CARMIL2: variants seen among roughly 807,000 people sequenced by gnomAD.
The protein encoded by CARMIL2 is capping protein, Arp2/3 and myosin-I linker protein 2.
Under a neutral mutation model 173.3 loss-of-function variants are expected in CARMIL2, and 96 were observed. The ratio of observed to expected loss-of-function variants is 0.55; its 90% CI spans 0.47 to 0.66. The LOEUF (loss-of-function observed/expected upper bound fraction) is 0.66. Ranked by LOEUF, CARMIL2 falls within the 30% of genes least tolerant of loss-of-function variation. The probability of loss-of-function intolerance (pLI) is 0.00; values close to 1 mark genes in which losing one functional copy is unlikely to be tolerated. For missense variants in CARMIL2, 1,771 were observed against 1,906.7 expected (o/e 0.93, Z 1.33); for synonymous variants, 830 against 817.1 (o/e 1.02, Z -0.27).
At position 67,651,936 on chromosome 16, in the gene CARMIL2, A is replaced by C; in HGVS notation, c.2604A>C (p.Ser868=). ...AFTRLRDMRL[S]ITGTLAESIV... ...CTGCCCTTAGGGACATGCGGCTATC[A>C]ATCACGGGGACCTTGGCAGAGAGCA... The change falls in exon 26 of 38, where the codon TCA becomes TCC. Residue 868 remains serine, a synonymous_variant. Transcript: ENST00000334583. This position sits in a 1 kb window ranked among gnomAD's most constrained non-coding sequence, Gnocchi z 4.2. 1 of 1,613,542 alleles carries C rather than the reference A, an allele frequency of 6.2e-7. No individual in the cohort carries two copies.
In CARMIL2 at chr16:67,649,625, C is replaced by T. The variant is rs189709013; in HGVS notation, c.1919+6C>T. 80 of 1,299,022 alleles carry T rather than the reference C, an allele frequency of 6.2e-5. No individual in the cohort carries two copies. In the African/African-American group the frequency reaches 9.1e-4, roughly 15 times the overall value. 80.5% of individuals were successfully genotyped at this position (1,299,022 alleles called of 1,614,324 possible). On this transcript the variant is annotated splice_donor_region_variant and intron_variant, in intron 20 of 37. Coordinates refer to ENST00000334583, the MANE Select transcript of CARMIL2 (RefSeq NM_001013838.3). The surrounding 1 kb of genome is among the most constrained non-coding windows in gnomAD (Gnocchi z 6.7). The stretch of plus-strand genomic sequence containing the variant: ...CGGGTCAACTCGAGGCTCCGGTGGG[C>T]GGGGTCAGAGGGGTGGGACCAGCGG...
rs762530942 is a variant in CARMIL2 at position 67,654,831 on chromosome 16, G to C, written c.3636G>C (p.Arg1212=). The C allele has an allele frequency of 6.2e-7, 1 of 1,613,712 alleles. No homozygotes were observed. Among genetic ancestry groups the C allele is most frequent in the South Asian group, 1.1e-5 (1 of 91,086 alleles). Residue 1212 remains arginine, a synonymous_variant, in exon 32 of 38, where the codon CGG becomes CGC. Transcript: ENST00000334583. Reference sequence around the variant, plus strand: ...AACTGGCTCCATCCTTTGAACAGCGGGTACAAGTAATGCTGCAGAGGATAG... The same window carrying C: ...AACTGGCTCCATCCTTTGAACAGCGCGTACAAGTAATGCTGCAGAGGATAG... ...ETELAPSFEQ[R]VQVMLQRIGV...
At position 67,651,767 on chromosome 16, in the gene CARMIL2, A is replaced by G; in HGVS notation, c.2510A>G (p.Glu837Gly). ...LQGSSWREQL[E>G]GVLAGSRGLP... ...GGATCCAGCTGGAGGGAGCAGCTAG[A>G]GGGGGTCCTGGCAGGCTCGAGGGGC... Residue 837 changes from glutamate (E) to glycine (G), a missense_variant, in exon 25 of 38, where the codon GAG becomes GGG. Physicochemically the swap from Glu to Gly is moderately conservative, Grantham distance 98. Around this residue, in one of 3 missense-constraint regions of CARMIL2, gnomAD observed 817 missense variants for 903.5 expected, o/e 0.90. Coordinates refer to ENST00000334583, the MANE Select transcript of CARMIL2 (RefSeq NM_001013838.3). This position sits in a 1 kb window ranked among gnomAD's most constrained non-coding sequence, Gnocchi z 4.2. The G allele has an allele frequency of 6.2e-7, 1 of 1,607,012 alleles. No homozygotes were observed. The highest frequency in any genetic ancestry group is 8.5e-7 in the Non-Finnish European group (1 of 1,177,334).
At position 67,648,015 on chromosome 16, in the gene CARMIL2, G is replaced by T. The variant is rs1305170921; in HGVS notation, c.1072-37G>T. 1 of 1,607,982 alleles carries T rather than the reference G, an allele frequency of 6.2e-7. No individual in the cohort carries two copies. Among genetic ancestry groups the T allele is most frequent in the Non-Finnish European group, 8.5e-7 (1 of 1,177,340 alleles). On this transcript the variant is annotated intron_variant, in intron 13 of 37. Transcript: ENST00000334583. The surrounding 1 kb of genome is among the most constrained non-coding windows in gnomAD (Gnocchi z 6.1). ...GGTTGCTCATAAGCCCTGGGTAGGC[G>T]ATCCCCCACTCCATCGCACCCCTGT...
Position 67,649,158 on chromosome 16 carries a change from C to T in CARMIL2, c.1674C>T (p.Phe558=). ...GACATGTGGCGCTTGGAAGGAACTTCAACGTCCGGTGCAAGTGAGCCCCCA... is the reference window on the plus strand; with the variant it reads ...GACATGTGGCGCTTGGAAGGAACTTTAACGTCCGGTGCAAGTGAGCCCCCA... ...SLRHVALGRN[F]NVRCKETLDD... The change falls in exon 18 of 38, where the codon TTC becomes TTT. Residue 558 remains phenylalanine (F), a synonymous_variant. Coordinates refer to ENST00000334583, the MANE Select transcript of CARMIL2 (RefSeq NM_001013838.3). This position sits in a 1 kb window ranked among gnomAD's most constrained non-coding sequence, Gnocchi z 6.7. The T allele has an allele frequency of 6.2e-7, 1 of 1,613,548 alleles. No individual in the cohort carries two copies.
In CARMIL2 at chr16:67,654,947, C is replaced by T. The variant is rs761264968; in HGVS notation, c.3705+47C>T. The T allele has an allele frequency of 5.0e-6, 8 of 1,606,810 alleles. No individual in the cohort carries two copies. The East Asian group carries it at 1.6e-4, about 31-fold the overall frequency. On this transcript the variant is annotated intron_variant, in intron 32 of 37. Coordinates refer to ENST00000334583, the MANE Select transcript of CARMIL2 (RefSeq NM_001013838.3). ...ATGAAGTGAGAGGGCAGATGGCATG[C>T]TGTGGGTGACATAAGTGACCAAGAT...
At position 67,657,491 on chromosome 16, in the gene CARMIL2, C is replaced by G. The variant is rs1344570331; in HGVS notation, c.4281C>G (p.Asp1427Glu). ...PERSPPSPAT[D>E]QRGGGPNP The stretch of plus-strand genomic sequence containing the variant: ...GGAGCCCACCCTCCCCAGCCACAGA[C>G]CAAAGAGGCGGCGGCCCCAATCCCT... The change falls in exon 38 of 38, where the codon GAC becomes GAG. Residue 1427 changes from aspartate to glutamate, a missense_variant. Transcript: ENST00000334583. This position sits in a 1 kb window ranked among gnomAD's most constrained non-coding sequence, Gnocchi z 4.5. The G allele has an allele frequency of 6.2e-7, 1 of 1,612,932 alleles. No homozygotes were observed. Among genetic ancestry groups the G allele is most frequent in the Admixed American group, 1.7e-5 (1 of 59,820 alleles).
intron 34 of CARMIL2, 50 bp downstream of exon 34, chr16:67,656,349 G>T: frequency 6.2e-7 from 1 of 1,611,452 alleles, no homozygotes; most frequent in South Asian, 1.1e-5. Flanking sequence ...GGACAGGCAG[G>T]AGTTGGGTCA....
chr16:67,645,156 TGCG>T lies in CARMIL2; in HGVS notation c.-89_-87del. 4 of 975,812 alleles carry T rather than the reference TGCG, an allele frequency of 4.1e-6. No homozygotes were observed. The highest frequency in any genetic ancestry group is 2.7e-5 in the Admixed American group (1 of 36,720). 60.4% of individuals were successfully genotyped at this position (975,812 alleles called of 1,614,324 possible). A position where few individuals can be genotyped will look rare whatever the true frequency, so the allele number is the denominator to read the frequency against. Reference sequence around the variant, plus strand: ...CCGCCGGAGGAGCAGGTGGCTGCCGTGCGGGTCTGGGCCCCAGGCTTCCTGTGT... The same window carrying T: ...CCGCCGGAGGAGCAGGTGGCTGCCGTGGTCTGGGCCCCAGGCTTCCTGTGT... On this transcript the variant is annotated 5_prime_UTR_variant, in exon 1 of 38. Coordinates refer to ENST00000334583, the MANE Select transcript of CARMIL2 (RefSeq NM_001013838.3).
Position 67,652,597 on chromosome 16 carries a change from T to G in CARMIL2, c.2884+59T>G. On this transcript the variant is annotated intron_variant, in intron 28 of 37. Coordinates refer to ENST00000334583, the MANE Select transcript of CARMIL2 (RefSeq NM_001013838.3). This position sits in a 1 kb window ranked among gnomAD's most constrained non-coding sequence, Gnocchi z 4.7. Reference sequence around the variant, plus strand: ...GGGTGGGCTGAAGCTCCATTAGACTTGGGGACCCGGGGACCTGGATGAACT... The same window carrying G: ...GGGTGGGCTGAAGCTCCATTAGACTGGGGGACCCGGGGACCTGGATGAACT... 6.5e-7 allele frequency: 1 copy of G among 1,533,710 alleles called. No homozygotes were observed. Among genetic ancestry groups the G allele is most frequent in the Middle Eastern group, 1.7e-4 (1 of 5,882 alleles).
rs759070808 is a variant in CARMIL2 at position 67,645,237 on chromosome 16, C to T, written c.-10C>T. On this transcript the variant is annotated 5_prime_UTR_variant, in exon 1 of 38. Coordinates refer to ENST00000334583, the MANE Select transcript of CARMIL2 (RefSeq NM_001013838.3). ...CGGAGCTCGTTGGGCCTCCCCGGCC[C>T]GCCCGGCCCATGGCCCAGACCCCCG... 3.2e-6 allele frequency: 5 copies of T among 1,586,540 alleles called. No homozygotes were observed. Among genetic ancestry groups the T allele is most frequent in the African/African-American group, 2.7e-5 (2 of 74,426 alleles).
rs1460268435 is a variant in CARMIL2, at chr16:67,648,446, G to A, written c.1383G>A (p.Ala461=). 1 of 1,468,988 alleles carries A rather than the reference G, an allele frequency of 6.8e-7. No homozygotes were observed. Among genetic ancestry groups the A allele is most frequent in the Non-Finnish European group, 8.9e-7 (1 of 1,119,564 alleles). 91.0% of individuals were successfully genotyped at this position (1,468,988 alleles called of 1,614,324 possible). ...PAALQLFLSR[A]RTLRHLGLAG... Reference sequence around the variant, plus strand: ...CGCTGCAGCTCTTCCTCAGCCGCGCGCGGACGCTGCGGCACCTGGGCCTGG... The same window carrying A: ...CGCTGCAGCTCTTCCTCAGCCGCGCACGGACGCTGCGGCACCTGGGCCTGG... Residue 461 remains alanine (A), a synonymous_variant, in exon 15 of 38, where the codon GCG becomes GCA. Transcript: ENST00000334583. The surrounding 1 kb of genome is among the most constrained non-coding windows in gnomAD (Gnocchi z 6.1).
rs1282471968 is a variant in CARMIL2 at position 67,645,297 on chromosome 16, G to A, written c.40+11G>A. 2 of 1,601,962 alleles carry A rather than the reference G, an allele frequency of 1.2e-6. No individual in the cohort carries two copies. The highest frequency in any genetic ancestry group is 1.7e-6 in the Non-Finnish European group (2 of 1,174,904). ...CCTGTGAGCTCCGAGGTAAGCGCTG[G>A]CCCTTCCTGCCTTCTTGGCCGGGAG... On this transcript the variant is annotated intron_variant, in intron 1 of 37. Coordinates refer to ENST00000334583, the MANE Select transcript of CARMIL2 (RefSeq NM_001013838.3).
At position 67,649,791 on chromosome 16, in the gene CARMIL2, C is replaced by T. The variant is rs569952987; in HGVS notation, c.1920-15C>T. On this transcript the variant is annotated splice_polypyrimidine_tract_variant and intron_variant, in intron 20 of 37. Coordinates refer to ENST00000334583, the MANE Select transcript of CARMIL2 (RefSeq NM_001013838.3). The surrounding 1 kb of genome is among the most constrained non-coding windows in gnomAD (Gnocchi z 6.7). ...TGGGAAGCTCCGTCCCCGACTGAAG[C>T]CAGGCCCGGCCCAGGTCTGTGGTCT... is the stretch of plus-strand genomic sequence containing the variant. The T allele has an allele frequency of 7.7e-5, 124 of 1,605,832 alleles. 1 individual carries two copies. The South Asian group carries it at 1.4e-3, about 18-fold the overall frequency.
rs1362263362 is a variant in CARMIL2, at chr16:67,645,209, C to G, written c.-38C>G. 5 of 1,537,280 alleles carry G rather than the reference C, an allele frequency of 3.3e-6. No individual in the cohort carries two copies. ...TGCGCGCTCGTCCTCTGCTGTTTCC[C>G]GCCGGAGCTCGTTGGGCCTCCCCGG... On this transcript the variant is annotated 5_prime_UTR_variant, in exon 1 of 38. Transcript: ENST00000334583.
chr16:67,655,376 G>A (rs1259832580), intron 32 of CARMIL2, among the ~76,000 whole-genome samples: 1 of 152,214 alleles, frequency 6.6e-6, no homozygotes, highest in African/African-American at 2.4e-5. Context: ...GTTGCAGTGA[G>A]CCTAGATCGT....
In CARMIL2 at chr16:67,649,909, A is replaced by G. The variant is rs776876345; in HGVS notation, c.2023A>G (p.Asn675Asp). The part of the protein sequence containing the change: ...HSLKAMPLPL[N>D]DVAQAQRSRP... ...CCTGAAGGCCATGCCTCTGCCACTG[A>G]ACGACGTGGCCCAGGCGCAGCGCAG... is the stretch of plus-strand genomic sequence containing the variant. Residue 675 changes from asparagine (N) to aspartate (D), a missense_variant, in exon 21 of 38, where the codon AAC (asparagine) becomes GAC (aspartate). Around this residue, in one of 3 missense-constraint regions of CARMIL2, gnomAD observed 944 missense variants for 975.6 expected, o/e 0.97. Coordinates refer to ENST00000334583, the MANE Select transcript of CARMIL2 (RefSeq NM_001013838.3). This position sits in a 1 kb window ranked among gnomAD's most constrained non-coding sequence, Gnocchi z 6.7. 4.3e-6 allele frequency: 7 copies of G among 1,613,052 alleles called. No individual in the cohort carries two copies. The highest frequency in any genetic ancestry group is 5.9e-6 in the Non-Finnish European group (7 of 1,179,822).
In CARMIL2 at chr16:67,647,729, G is replaced by T. The variant is rs562192179; in HGVS notation, c.921G>T (p.Arg307Ser). The change falls in exon 12 of 38, where the codon AGG becomes AGT. Residue 307 changes from arginine to serine, a missense_variant. Around this residue, in one of 3 missense-constraint regions of CARMIL2, gnomAD observed 944 missense variants for 975.6 expected, o/e 0.97. Coordinates refer to ENST00000334583, the MANE Select transcript of CARMIL2 (RefSeq NM_001013838.3). ...RHLERCPGAL[R>S]RLSLAQTGLT... ...TCGAGCGTTGTCCAGGAGCCCTGAGGAGACTCAGCCTGGCCCAGACAGGGT... is the reference window on the plus strand; with the variant it reads ...TCGAGCGTTGTCCAGGAGCCCTGAGTAGACTCAGCCTGGCCCAGACAGGGT... 9.3e-6 allele frequency: 14 copies of T among 1,505,520 alleles called. No homozygotes were observed. The South Asian group carries it at 1.4e-4, about 15-fold the overall frequency. 93.3% of individuals were successfully genotyped at this position (1,505,520 alleles called of 1,614,324 possible). A position where few individuals can be genotyped will look rare whatever the true frequency, so the allele number is the denominator to read the frequency against.
At position 67,648,963 on chromosome 16, in the gene CARMIL2, T is replaced by C; in HGVS notation, c.1580T>C (p.Leu527Pro). The C allele has an allele frequency of 6.2e-7, 1 of 1,609,534 alleles. No individual in the cohort carries two copies. Among genetic ancestry groups the C allele is most frequent in the South Asian group, 1.1e-5 (1 of 90,164 alleles). ...GCAGGCGCTGTGAGCTCCCTGGATCTGGCGGATAACGGTGAGGCTGCAGGA... is the reference window on the plus strand; with the variant it reads ...GCAGGCGCTGTGAGCTCCCTGGATCCGGCGGATAACGGTGAGGCTGCAGGA... Reference protein sequence around the residue: ...CDAGAVSSLDLADNGFGSDMV... With the variant: ...CDAGAVSSLDPADNGFGSDMV... Residue 527 changes from leucine to proline, a missense_variant, in exon 17 of 38, where the codon CTG becomes CCG. Coordinates refer to ENST00000334583, the MANE Select transcript of CARMIL2 (RefSeq NM_001013838.3). This position sits in a 1 kb window ranked among gnomAD's most constrained non-coding sequence, Gnocchi z 6.1.
Sources: gnomAD v4.1 joint callset for allele counts (sites outside exome capture counted in the v4.1 genomes callset) on GRCh38, gnomAD v4.1.1 for gene constraint, gnomAD v4.1.1 regional missense constraint, Gnocchi (gnomAD v3.1) non-coding constraint, MANE v1.5 for transcripts, NCBI Gene and HGNC (gene_info 2026-07-23, HGNC 2026-07-21) for gene names.